LPP: variants seen among roughly 807,000 people sequenced by gnomAD.
LPP encodes the protein lipoma-preferred partner.
A neutral mutation model predicts 60.4 loss-of-function variants in LPP; 38 were observed. The observed-to-expected ratio is 0.63, with a 90% confidence interval of 0.49 to 0.83. The LOEUF (loss-of-function observed/expected upper bound fraction) is 0.83, where lower values mean the gene tolerates loss of function less well. Among genes scored for constraint, LPP ranks in the 40% least tolerant of loss-of-function variants. The probability of loss-of-function intolerance (pLI) is 0.00; values close to 1 mark genes in which losing one functional copy is unlikely to be tolerated. For synonymous variants in LPP, 328 were observed against 290.8 expected (o/e 1.13, Z -1.30); for missense variants, 902 against 783.6 (o/e 1.15, Z -1.80).
chr3:188,198,769 CT>C (rs1449278644), intron 1 of LPP, among the ~76,000 whole-genome samples: 4 of 152,188 alleles, frequency 2.6e-5, no homozygotes, highest in African/African-American at 4.8e-5. Flanking sequence ...CTGCCCACCA[CT>C]GACAACCCTA....
chr3:188,268,852 A>G (rs1736580859), intron 2 of LPP, among the ~76,000 whole-genome samples: 2 of 152,234 alleles, frequency 1.3e-5, no homozygotes, highest in Admixed American at 6.5e-5. Flanking sequence ...TTCAAATGTT[A>G]CTAGGTAGAT....
chr3:188,451,252 C>T (rs1002854144), intron 4 of LPP, among the ~76,000 whole-genome samples: 1 of 152,068 alleles, frequency 6.6e-6, no homozygotes, highest in African/African-American at 2.4e-5. Flanking sequence ...CAGATTCAGT[C>T]TCTCAAAATT....
At chr3:188,236,861 C>T (rs1722103279) in intron 2 of LPP, among the ~76,000 whole-genome samples, 1 of 152,150 alleles carries the variant, frequency 6.6e-6, no homozygotes. Flanking sequence ...GTTGGGGTGG[C>T]TGTGGCAATT....
intron 8 of LPP, among the ~76,000 whole-genome samples, chr3:188,721,233 T>C (rs1716241478): frequency 6.6e-6 from 1 of 152,132 alleles, no homozygotes; most frequent in Non-Finnish European, 1.5e-5. Flanking sequence ...CTGTAAAAGA[T>C]ATTAAACTGA....
At chr3:188,279,359 C>T (rs981381680) in intron 2 of LPP, among the ~76,000 whole-genome samples, 2 of 152,148 alleles carry the variant, frequency 1.3e-5, no homozygotes, top group Non-Finnish European at 1.5e-5. Flanking sequence ...TTTAGACCCC[C>T]CATTGTATTA....
At chr3:188,820,127 G>C (rs571713020) in intron 9 of LPP, among the ~76,000 whole-genome samples, 2 of 152,236 alleles carry the variant, frequency 1.3e-5, no homozygotes, top group Admixed American at 1.3e-4. Flanking sequence ...AAGGAAGTGT[G>C]GTAATCACAT....
At chr3:188,513,832 T>C (rs1019402394) in intron 5 of LPP, among the ~76,000 whole-genome samples, 4 of 152,090 alleles carry the variant, frequency 2.6e-5, no homozygotes, top group African/African-American at 7.2e-5. Flanking sequence ...TATAAAAGAG[T>C]TGGCTTAAAC....
intron 1 of LPP, among the ~76,000 whole-genome samples, chr3:188,190,968 A>G (rs932948764): frequency 1.3e-5 from 2 of 152,260 alleles, no homozygotes; most frequent in Non-Finnish European, 2.9e-5. Flanking sequence ...GTGGTGGCTC[A>G]CGCCTGTAAT....
Position 188,655,489 on chromosome 3 carries a change from C to T in LPP, c.1113+45645C>T, listed in dbSNP as rs116164212. On this transcript the variant is annotated intron_variant, in intron 7 of 11. Coordinates refer to ENST00000617246, the MANE Select transcript of LPP (RefSeq NM_001375462.1). ...TTGCTTAATCAATATCACAATATAA[C>T]GATGCTGGGTAGAAGATGCATGGAA... Among the ~76,000 whole-genome samples the T allele has an allele frequency of 3.6e-3, 552 of 152,264 alleles. 5 individuals carry two copies. Among genetic ancestry groups the T allele is most frequent in the African/African-American group, 0.013 (530 of 41,542 alleles).
intron 4 of LPP, among the ~76,000 whole-genome samples, chr3:188,476,773 G>A (rs1803343289): frequency 2.6e-5 from 4 of 152,148 alleles, no homozygotes; most frequent in Admixed American, 2.0e-4. Flanking sequence ...GGAACCTGAA[G>A]TTTAAGGATA....
intron 1 of LPP, among the ~76,000 whole-genome samples, chr3:188,213,314 A>C (rs1712051401): frequency 6.6e-6 from 1 of 152,154 alleles, no homozygotes; most frequent in Non-Finnish European, 1.5e-5. Context: ...GAGTTGTCAG[A>C]GTTGGAAGAG....
intron 2 of LPP, among the ~76,000 whole-genome samples, chr3:188,239,649 T>G (rs1260093493): frequency 6.6e-6 from 1 of 152,214 alleles, no homozygotes; most frequent in African/African-American, 2.4e-5. Context: ...TTGGGGCCCA[T>G]TGTTCAAAGA....
chr3:188,314,097 CTT>C (rs1231117664), intron 2 of LPP, among the ~76,000 whole-genome samples: 1 of 152,062 alleles, frequency 6.6e-6, no homozygotes, highest in African/African-American at 2.4e-5. Flanking sequence ...TTTTACAACA[CTT>C]ATAGCTTTCT....
intron 9 of LPP, among the ~76,000 whole-genome samples, chr3:188,765,701 C>A (rs1733808383): frequency 7.0e-6 from 1 of 143,858 alleles, no homozygotes; most frequent in African/African-American, 2.5e-5. Flanking sequence ...TAACATTCAG[C>A]AACTAATTTT....
At chr3:188,543,612 T>C (rs145790142) in intron 6 of LPP, among the ~76,000 whole-genome samples, 246 of 152,290 alleles carry the variant, frequency 1.6e-3, no homozygotes, top group African/African-American at 5.4e-3. Flanking sequence ...CTATCCTCAG[T>C]TATTTGTCAT....
At chr3:188,559,099 T>G (rs1314995043) in intron 6 of LPP, among the ~76,000 whole-genome samples, 2 of 152,032 alleles carry the variant, frequency 1.3e-5, no homozygotes, top group Non-Finnish European at 2.9e-5. Flanking sequence ...GGCCTTAGTC[T>G]CCCCAGATGT....
intron 9 of LPP, among the ~76,000 whole-genome samples, chr3:188,839,835 T>G (rs1490787655): frequency 6.6e-6 from 1 of 152,010 alleles, no homozygotes; most frequent in Admixed American, 6.6e-5. Flanking sequence ...CCGAGATCAC[T>G]CCACTGCACT....
At chr3:188,526,241 G>C (rs1426262) in intron 6 of LPP, among the ~76,000 whole-genome samples, 59,312 of 151,948 alleles carry the variant, frequency 0.39, 13,368 homozygotes, top group East Asian at 0.92. Context: ...TTTCTCTGCT[G>C]TCAGTTATTT....
At chr3:188,204,644 C>T (rs1252747295) in intron 1 of LPP, among the ~76,000 whole-genome samples, 1 of 152,012 alleles carries the variant, frequency 6.6e-6, no homozygotes, top group Non-Finnish European at 1.5e-5. Flanking sequence ...GTTTTCGTTC[C>T]TGTTTTACAG....
Sources: allele counts gnomAD v4.1 joint callset (sites outside exome capture counted in the v4.1 genomes callset), GRCh38; gene constraint gnomAD v4.1.1; transcripts MANE v1.5; gene names NCBI Gene and HGNC (gene_info 2026-07-23, HGNC 2026-07-21).